Variants in CLYBL observed in about 807,000 individuals in gnomAD.
The protein encoded by CLYBL is citramalyl-CoA lyase, mitochondrial.
Under a neutral mutation model 38.9 loss-of-function variants are expected in CLYBL, and 31 were observed. The ratio of observed to expected loss-of-function variants is 0.80; its 90% confidence interval spans 0.60 to 1.08. The LOEUF (loss-of-function observed/expected upper bound fraction) is 1.08, where lower values mean the gene tolerates loss of function less well. CLYBL is among the 50% of genes least tolerant of loss of function. The pLI is 0.00. For missense variants in CLYBL, 434 were observed against 411.6 expected (o/e 1.05, Z -0.47); for synonymous variants, 171 against 158.6 (o/e 1.08, Z -0.59).
chr13:99,788,839 T>C (rs1173166736), intron 2 of CLYBL, among the ~76,000 whole-genome samples: 2 of 152,224 alleles, frequency 1.3e-5, no homozygotes, highest in African/African-American at 4.8e-5. Context: ...CCTGGACTTT[T>C]TTTGGTTTGT....
At chr13:99,619,370 G>T (rs913977403) in intron 1 of CLYBL, among the ~76,000 whole-genome samples, 2 of 152,178 alleles carry the variant, frequency 1.3e-5, no homozygotes, top group Non-Finnish European at 2.9e-5. Flanking sequence ...CTTGATCTTA[G>T]ATTCCCCAGC....
downstream of CLYBL, chr13:99,895,103 C>A (rs1034101344): frequency 6.6e-6 from 1 of 152,136 alleles, no homozygotes; most frequent in Admixed American, 6.5e-5. Flanking sequence ...CAAACCATGT[C>A]GTTTTCCCCC....
intron 1 of CLYBL, among the ~76,000 whole-genome samples, chr13:99,692,464 T>C (rs2047921605): frequency 6.6e-6 from 1 of 152,058 alleles, no homozygotes; most frequent in Non-Finnish European, 1.5e-5. Context: ...GTTAATTTTT[T>C]TGAACTTTTA....
At chr13:99,771,721 GAA>G in intron 1 of CLYBL, among the ~76,000 whole-genome samples, 1 of 152,262 alleles carries the variant, frequency 6.6e-6, no homozygotes, top group East Asian at 1.9e-4. Flanking sequence ...GCAAGGGAAA[GAA>G]AGAGCATAGT....
At chr13:99,637,962 C>CTTTTTT (rs34513643) in intron 1 of CLYBL, among the ~76,000 whole-genome samples, 1,137 of 94,906 alleles carry the variant, frequency 0.012, 120 homozygotes, top group African/African-American at 0.036. Context: ...TCAACAGTGC[C>CTTTTTT]TTTTTTTTTT....
chr13:99,799,192 G>A (rs554813680), intron 2 of CLYBL, among the ~76,000 whole-genome samples: 30 of 152,184 alleles, frequency 2.0e-4, no homozygotes, highest in African/African-American at 7.2e-4. Context: ...TGCTTTTTCA[G>A]TTATTATTAA....
intron 2 of CLYBL, among the ~76,000 whole-genome samples, chr13:99,801,919 G>A (rs917457606): frequency 1.6e-4 from 25 of 152,306 alleles, no homozygotes; most frequent in African/African-American, 5.5e-4. Context: ...GGGAGACCGA[G>A]GCAGGAGAAT....
intron 1 of CLYBL, among the ~76,000 whole-genome samples, chr13:99,744,410 G>A (rs919091174): frequency 6.6e-6 from 1 of 152,196 alleles, no homozygotes; most frequent in Non-Finnish European, 1.5e-5. Flanking sequence ...TCTGGCATTT[G>A]GAACTTCTCT....
chr13:99,712,139 A>G (rs1265562547), intron 1 of CLYBL, among the ~76,000 whole-genome samples: 1 of 152,160 alleles, frequency 6.6e-6, no homozygotes, highest in Non-Finnish European at 1.5e-5. Context: ...GGACAGAAAC[A>G]TTCTGTCTAT....
chr13:99,817,699 C>A (rs79610191), intron 2 of CLYBL, among the ~76,000 whole-genome samples: 3,606 of 147,328 alleles, frequency 0.024, 97 homozygotes, highest in East Asian at 0.079. Context: ...AAGCACTGAG[C>A]TAAAGTAAAG....
In CLYBL at chr13:99,784,579, C is replaced by G. The variant is rs577114507; in HGVS notation, c.249+11569C>G. Among the ~76,000 whole-genome samples the G allele has an allele frequency of 4.0e-5, 6 of 151,138 alleles. No homozygotes were observed. The Middle Eastern group carries it at 0.01, about 257-fold the overall frequency. ...AAGCAATTCTCGTGCCTCAGCCTCC[C>G]GAGTAGCTAGGATTACAGGTGCCCA... On this transcript the variant is annotated intron_variant, in intron 2 of 8. Transcript: ENST00000339105.
chr13:99,701,506 G>A (rs1007125816), intron 1 of CLYBL, among the ~76,000 whole-genome samples: 6 of 152,014 alleles, frequency 3.9e-5, no homozygotes, highest in South Asian at 2.1e-4. Context: ...TAGAGACGGG[G>A]TTTCACATGT....
At chr13:99,772,095 G>A (rs188606934) in intron 1 of CLYBL, among the ~76,000 whole-genome samples, 1 of 152,210 alleles carries the variant, frequency 6.6e-6, no homozygotes, top group African/African-American at 2.4e-5. Context: ...AAGGGCCATA[G>A]ACTTCGTTAG....
chr13:99,670,490 GT>G (rs2139361131), intron 1 of CLYBL, among the ~76,000 whole-genome samples: 1 of 152,234 alleles, frequency 6.6e-6, no homozygotes, highest in East Asian at 1.9e-4. Context: ...CTTACCTGCA[GT>G]TTCTAGACAC....
downstream of CLYBL, chr13:99,894,870 C>T (rs1265143380): frequency 1.3e-5 from 2 of 151,538 alleles, no homozygotes; most frequent in African/African-American, 4.9e-5. Flanking sequence ...GTGAAGGGAA[C>T]TCCAGTCAGA....
chr13:99,686,940 A>G (rs1426972118), intron 1 of CLYBL, among the ~76,000 whole-genome samples: 1 of 152,182 alleles, frequency 6.6e-6, no homozygotes, highest in East Asian at 1.9e-4. Context: ...AAGCTTAGTA[A>G]CCTCGATAAT....
chr13:99,616,014 A>T (rs9796290), intron 1 of CLYBL, among the ~76,000 whole-genome samples: 1 of 150,634 alleles, frequency 6.6e-6, no homozygotes. Flanking sequence ...TTTTATTTTT[A>T]TTTTTTATTT....
intron 2 of CLYBL, among the ~76,000 whole-genome samples, chr13:99,824,952 C>G (rs1037423495): frequency 6.6e-6 from 1 of 151,712 alleles, no homozygotes; most frequent in East Asian, 1.9e-4. Flanking sequence ...CCCTGCCCCC[C>G]ACTCTTCATT....
chr13:99,756,440 C>A (rs1327954375), intron 1 of CLYBL, among the ~76,000 whole-genome samples: 1 of 152,190 alleles, frequency 6.6e-6, no homozygotes, highest in Admixed American at 6.5e-5. Flanking sequence ...GCCTGGGACT[C>A]ACCATAAGAG....
Sources: gnomAD v4.1 joint callset for allele counts (sites outside exome capture counted in the v4.1 genomes callset) on GRCh38, gnomAD v4.1.1 for gene constraint, MANE v1.5 for transcripts, NCBI Gene and HGNC (gene_info 2026-07-23, HGNC 2026-07-21) for gene names.